Variants in PSMA2 observed in about 807,000 individuals in gnomAD.
PSMA2 encodes the protein proteasome subunit alpha type-2.
A neutral mutation model predicts 35.9 loss-of-function variants in PSMA2; 2 were observed. That is an observed-to-expected ratio of 0.06 (90% CI 0.02 to 0.18). PSMA2 has a LOEUF of 0.18. Ranked by LOEUF, PSMA2 falls within the 10% of genes least tolerant of loss-of-function variation. The pLI, the probability that PSMA2 is intolerant of heterozygous loss-of-function variation, is 1.00. For missense variants in PSMA2, 126 were observed against 278.8 expected, an observed-to-expected ratio of 0.45 and a Z score of 3.90; for synonymous variants, 97 against 98.2, an observed-to-expected ratio of 0.99 and a Z score of 0.07.
rs988242243 is a variant in PSMA2 at position 42,932,011 on chromosome 7, C to G, written c.41+107G>C. 3.5e-6 allele frequency: 5 copies of G among 1,432,810 alleles called. No individual in the cohort carries two copies. The African/African-American group carries it at 5.6e-5, about 16-fold the overall frequency. The allele number at this position is 1,432,810 out of a possible 1,614,324, so 88.8% of individuals were successfully genotyped here. On this transcript the variant is annotated intron_variant, in intron 1 of 7. Transcript: ENST00000223321. ...GCCGCATTTCCAACTCCATTCCCTA[C>G]TGGACCCTCCAGAAGCACCAATGCC...
intron 6 of PSMA2, chr7:42,919,570 GA>G (rs1302228585): frequency 1.9e-6 from 1 of 517,976 alleles, no homozygotes; most frequent in African/African-American, 2.0e-5. Context: ...TACTATGACA[GA>G]AGTGAAATCT....
In PSMA2 at chr7:42,932,140, T is replaced by C. The variant is rs1243162760; in HGVS notation, c.19A>G (p.Ser7Gly). 2 of 1,614,180 alleles carry C rather than the reference T, an allele frequency of 1.2e-6. No individual in the cohort carries two copies. Among genetic ancestry groups the C allele is most frequent in the Non-Finnish European group, 1.7e-6 (2 of 1,180,044 alleles). ...TACCTGAATGTAGTCAGCGAAAAGC[T>C]GTACCCGCGCTCCGCCATCTTTACC... MAERGY[S>G]FSLTTFSPSG... Residue 7 changes from serine to glycine, a missense_variant, in exon 1 of 8, where the codon AGC becomes GGC. By Grantham distance (56) the Ser-to-Gly change is moderately conservative. Coordinates refer to ENST00000223321, the MANE Select transcript of PSMA2 (RefSeq NM_002787.5).
At chr7:42,931,105 T>C (rs1270850964) in intron 1 of PSMA2, 2 of 443,970 alleles carry the variant, frequency 4.5e-6, no homozygotes, top group Admixed American at 2.5e-5. Context: ...CCGATGACCT[T>C]AGACAAGTTG....
Position 42,926,541 on chromosome 7 carries a change from A to G in PSMA2, c.246T>C (p.Asp82=). Residue 82 remains aspartate (D), a synonymous_variant, in exon 3 of 8, where the codon GAT becomes GAC. Transcript: ENST00000223321. ...CTATAAAAAGTATAAAGTACCTGTA[A>G]TCGGGGCCCATGCCACTGTACACCA... The part of the protein sequence containing the change: ...IGLVYSGMGP[D]YRVLVHRARK... 6.3e-7 allele frequency: 1 copy of G among 1,583,468 alleles called. No homozygotes were observed. Among genetic ancestry groups the G allele is most frequent in the Non-Finnish European group, 8.5e-7 (1 of 1,170,178 alleles).
intron 7 of PSMA2, 38 bp from the exon 8 acceptor site, chr7:42,917,728 C>T (rs767665630): frequency 3.2e-5 from 52 of 1,609,772 alleles, no homozygotes; most frequent in East Asian, 2.2e-5. Context: ...ATTTTCTAAG[C>T]AGTTAATCAT....
At chr7:42,928,450 C>T (rs529901480) in intron 1 of PSMA2, among the ~76,000 whole-genome samples, 1 of 152,284 alleles carries the variant, frequency 6.6e-6, no homozygotes, top group Non-Finnish European at 1.5e-5. Flanking sequence ...TAATATACAA[C>T]TATTTCTAGA....
At chr7:42,926,736 A>G in intron 2 of PSMA2, 68 bp from the exon 3 acceptor site, 1 of 1,460,314 alleles carries the variant, frequency 6.8e-7, no homozygotes, top group South Asian at 1.4e-5. Context: ...CTTTCTAATT[A>G]TGGATGCGCT....
intron 4 of PSMA2, among the ~76,000 whole-genome samples, chr7:42,924,263 A>G (rs1786171392): frequency 6.8e-6 from 1 of 146,402 alleles, no homozygotes; most frequent in African/African-American, 2.5e-5. Context: ...AGGCTGACGC[A>G]TAATTGCTTG....
At chr7:42,918,063 G>A in intron 6 of PSMA2, 1 of 218,722 alleles carries the variant, frequency 4.6e-6, no homozygotes, top group Non-Finnish European at 8.0e-6. Context: ...AATGAGTTTA[G>A]TTTAGGAAAC....
rs1012620401 is a variant in PSMA2 at position 42,917,901 on chromosome 7, G to A, written c.531-66C>T. The A allele has an allele frequency of 3.3e-5, 38 of 1,149,092 alleles. No individual in the cohort carries two copies. In the African/African-American group the frequency reaches 4.8e-4, roughly 14 times the overall value. The allele number at this position is 1,149,092 out of a possible 1,614,324, so 71.2% of individuals were successfully genotyped here. A position where few individuals can be genotyped will look rare whatever the true frequency, so the allele number is the denominator to read the frequency against. The stretch of plus-strand genomic sequence containing the variant: ...TTCTTTATAACTATTTAAATACAAT[G>A]ACAGCAACAACGTAAGTTTTTAAAA... On this transcript the variant is annotated intron_variant, in intron 6 of 7. Coordinates refer to ENST00000223321, the MANE Select transcript of PSMA2 (RefSeq NM_002787.5).
At position 42,922,703 on chromosome 7, in the gene PSMA2, G is replaced by T. The variant is rs150037253; in HGVS notation, c.456+622C>A. On this transcript the variant is annotated intron_variant, in intron 5 of 7. Coordinates refer to ENST00000223321, the MANE Select transcript of PSMA2 (RefSeq NM_002787.5). ...GTTATAAAAGTAGATTATAAGGTTTGCATTGAGTGAACCTGTAATTATCTA... is the reference window on the plus strand; with the variant it reads ...GTTATAAAAGTAGATTATAAGGTTTTCATTGAGTGAACCTGTAATTATCTA... 8.7e-4 allele frequency among the ~76,000 whole-genome samples: 133 copies of T among 152,248 alleles called. 2 individuals carry two copies. Among genetic ancestry groups the T allele is most frequent in the East Asian group, 6.2e-3 (32 of 5,188 alleles).
intron 2 of PSMA2, among the ~76,000 whole-genome samples, chr7:42,927,016 C>T (rs1786226877): frequency 6.6e-6 from 1 of 152,158 alleles, no homozygotes; most frequent in Non-Finnish European, 1.5e-5. Context: ...ATGATACAGG[C>T]TTTTAAAGTG....
intron 1 of PSMA2, 138 bp from the exon 2 acceptor site, chr7:42,927,597 A>C: frequency 1.3e-6 from 1 of 765,554 alleles, no homozygotes; most frequent in Non-Finnish European, 2.1e-6. Context: ...GACCTCTATC[A>C]TGAAGTGGCA....
intron 3 of PSMA2, among the ~76,000 whole-genome samples, chr7:42,925,021 T>A (rs1263741949): frequency 6.6e-6 from 1 of 152,170 alleles, no homozygotes; most frequent in African/African-American, 2.4e-5. Flanking sequence ...ACAGATTTAA[T>A]GTACAAAAAT....
At chr7:42,923,548 T>C (rs1786159456) in intron 4 of PSMA2, 142 bp from the exon 5 acceptor site, 2 of 640,636 alleles carry the variant, frequency 3.1e-6, no homozygotes, top group East Asian at 5.6e-5. Flanking sequence ...ATTTAACACC[T>C]TTCTGAATGA....
chr7:42,927,266 C>CA (rs1786229394), intron 2 of PSMA2, 117 bp downstream of exon 2: 3 of 936,088 alleles, frequency 3.2e-6, no homozygotes, highest in South Asian at 3.5e-5. Flanking sequence ...TGTAAATTAA[C>CA]AAAAAATTGT....
At chr7:42,931,412 C>T (rs915692123) in intron 1 of PSMA2, among the ~76,000 whole-genome samples, 6 of 152,172 alleles carry the variant, frequency 3.9e-5, no homozygotes, top group Admixed American at 1.3e-4. Flanking sequence ...GGAAAGTAAA[C>T]TTATTATTCT....
At chr7:42,923,241 G>A (rs1786154810) in intron 5 of PSMA2, 84 bp downstream of exon 5, 2 of 1,048,004 alleles carry the variant, frequency 1.9e-6, no homozygotes, top group Non-Finnish European at 1.4e-6. Flanking sequence ...CTGCTAAATT[G>A]TAAAGTTTTT....
chr7:42,920,113 C>A, intron 6 of PSMA2: 1 of 490,632 alleles, frequency 2.0e-6, no homozygotes, highest in South Asian at 2.1e-5. Context: ...GTGCCACAGA[C>A]AGCATACAAC....
Sources: gnomAD v4.1 joint callset for allele counts (sites outside exome capture counted in the v4.1 genomes callset) on GRCh38, gnomAD v4.1.1 for gene constraint, MANE v1.5 for transcripts, NCBI Gene and HGNC (gene_info 2026-07-23, HGNC 2026-07-21) for gene names.